Variants in CLDN10 observed in about 807,000 individuals in gnomAD.
CLDN10 encodes the protein claudin 10.
A neutral mutation model predicts 22.9 loss-of-function variants in CLDN10; 15 were observed. The observed-to-expected ratio is 0.65, with a 90% CI of 0.44 to 1.01. The LOEUF is 1.01. Among genes scored for constraint, CLDN10 ranks in the 50% least tolerant of loss-of-function variants. CLDN10 has a pLI of 0.00. For synonymous variants in CLDN10, 114 were observed against 111.4 expected, an observed-to-expected ratio of 1.02 and a Z score of -0.15; for missense variants, 247 against 287.8, an observed-to-expected ratio of 0.86 and a Z score of 1.03.
chr13:95,495,789 C>G (rs921397029), intron 1 of CLDN10, among the ~76,000 whole-genome samples: 13 of 149,584 alleles, frequency 8.7e-5, no homozygotes, highest in Non-Finnish European at 1.5e-4. Flanking sequence ...AGAAATGAAG[C>G]TAACTTTAGG....
chr13:95,441,672 C>G (rs1395417369), intron 1 of CLDN10, among the ~76,000 whole-genome samples: 2 of 152,204 alleles, frequency 1.3e-5, no homozygotes, highest in African/African-American at 4.8e-5. Context: ...ATCTCAGGCC[C>G]CACTACAGAC....
intron 1 of CLDN10, among the ~76,000 whole-genome samples, chr13:95,503,277 A>G (rs758420467): frequency 3.9e-5 from 6 of 152,236 alleles, no homozygotes; most frequent in Non-Finnish European, 7.3e-5. Context: ...GAGAAAATGT[A>G]AAGAAAAAAA....
intron 1 of CLDN10, among the ~76,000 whole-genome samples, chr13:95,470,529 T>G (rs2042619302): frequency 6.6e-6 from 1 of 152,156 alleles, no homozygotes; most frequent in East Asian, 1.9e-4. Context: ...CTCCCCTTTT[T>G]CTTCTAAGTC....
chr13:95,481,190 T>C (rs2042743472), intron 1 of CLDN10, among the ~76,000 whole-genome samples: 1 of 151,378 alleles, frequency 6.6e-6, no homozygotes, highest in Non-Finnish European at 1.5e-5. Context: ...TGGGGAAGAG[T>C]TTCCAGGAGG....
At chr13:95,558,170 G>A (rs781065028) in intron 1 of CLDN10, among the ~76,000 whole-genome samples, 26 of 152,128 alleles carry the variant, frequency 1.7e-4, no homozygotes, top group Non-Finnish European at 2.8e-4. Flanking sequence ...CACACTGTCC[G>A]AGTAGCCCTG....
At chr13:95,495,471 G>A (rs993815960) in intron 1 of CLDN10, among the ~76,000 whole-genome samples, 2 of 151,748 alleles carry the variant, frequency 1.3e-5, no homozygotes, top group African/African-American at 2.4e-5. Context: ...TCGGCCAGGC[G>A]CGGTGGCTCA....
intron 1 of CLDN10, among the ~76,000 whole-genome samples, chr13:95,480,819 C>G (rs538001032): frequency 6.6e-6 from 1 of 152,286 alleles, no homozygotes; most frequent in Non-Finnish European, 1.5e-5. Flanking sequence ...AATGAAGGCC[C>G]ATAAGCTATG....
rs537562482 is a variant in CLDN10 at position 95,544,297 on chromosome 13, A to G, written c.215-15835A>G. Among the ~76,000 whole-genome samples the G allele has an allele frequency of 7.3e-4, 111 of 152,336 alleles. 1 individual carries two copies. The highest frequency in any genetic ancestry group is 8.5e-4 in the Non-Finnish European group (58 of 68,040). On this transcript the variant is annotated intron_variant, in intron 1 of 4. Coordinates refer to the CLDN10 transcript ENST00000376873. ...ATTGGCTGCTTTATTTAGCATGTCA[A>G]AAAATTACAATATAATCTTTCACAT...
At chr13:95,569,211 A>G (rs944552000) in intron 3 of CLDN10, among the ~76,000 whole-genome samples, 5 of 138,046 alleles carry the variant, frequency 3.6e-5, no homozygotes, top group African/African-American at 1.2e-4. Context: ...GAAATGTTGG[A>G]GACCTAGTAG....
chr13:95,557,441 A>G (rs1232906216), intron 1 of CLDN10, among the ~76,000 whole-genome samples: 3 of 152,136 alleles, frequency 2.0e-5, no homozygotes. Context: ...GCCTTAGAAC[A>G]CTGAGAATTT....
At chr13:95,444,539 C>T (rs961328640) in intron 1 of CLDN10, among the ~76,000 whole-genome samples, 2 of 152,152 alleles carry the variant, frequency 1.3e-5, no homozygotes, top group South Asian at 4.1e-4. Context: ...GCCCAGAATG[C>T]TAAATGTTAT....
In CLDN10 at chr13:95,482,593, C is replaced by T. The variant is rs114495569; in HGVS notation, c.214+48546C>T. On this transcript the variant is annotated intron_variant, in intron 1 of 4. Coordinates refer to the CLDN10 transcript ENST00000376873. The stretch of plus-strand genomic sequence containing the variant: ...GGCAGGAAGTCTAGTCCAGATCCAC[C>T]CTGCTGTGTTACCCAGGAGCTCAGA... 2.0e-3 allele frequency among the ~76,000 whole-genome samples: 309 copies of T among 152,300 alleles called. 1 individual carries two copies. The highest frequency in any genetic ancestry group is 6.9e-3 in the African/African-American group (286 of 41,556).
intron 1 of CLDN10, among the ~76,000 whole-genome samples, chr13:95,492,668 T>C (rs4394950): frequency 0.39 from 60,010 of 151,998 alleles, 12,266 homozygotes; most frequent in South Asian, 0.46. Flanking sequence ...TGCTCTCCCC[T>C]AGGTTCTGGT....
intron 1 of CLDN10, among the ~76,000 whole-genome samples, chr13:95,511,889 T>C (rs1365898683): frequency 1.5e-5 from 2 of 134,862 alleles, no homozygotes; most frequent in Non-Finnish European, 3.2e-5. Context: ...AGGGTACATG[T>C]GCACAATGTG....
intron 1 of CLDN10, among the ~76,000 whole-genome samples, chr13:95,509,316 G>A (rs1052895668): frequency 1.3e-5 from 2 of 152,182 alleles, no homozygotes; most frequent in African/African-American, 4.8e-5. Flanking sequence ...GGACTGCTAG[G>A]TCTGTTTACA....
chr13:95,488,714 C>T (rs998351829), intron 1 of CLDN10, among the ~76,000 whole-genome samples: 43 of 152,124 alleles, frequency 2.8e-4, no homozygotes, highest in African/African-American at 9.6e-4. Flanking sequence ...TTTAGGTCTG[C>T]GTAGTATTCC....
chr13:95,468,798 A>G (rs1252663184), intron 1 of CLDN10, among the ~76,000 whole-genome samples: 1 of 152,152 alleles, frequency 6.6e-6, no homozygotes, highest in African/African-American at 2.4e-5. Context: ...CAAGGTATCT[A>G]GGCCTTTTCA....
chr13:95,474,627 G>T lies in CLDN10; in HGVS notation c.214+40580G>T, dbSNP rs112268349. On this transcript the variant is annotated intron_variant, in intron 1 of 4. Coordinates refer to the CLDN10 transcript ENST00000376873. ...GAGAGTAAGAGAACAAATCCAAGAAGAAGCTGTGTATTCAGAAACAGCAGG... is the reference window on the plus strand; with the variant it reads ...GAGAGTAAGAGAACAAATCCAAGAATAAGCTGTGTATTCAGAAACAGCAGG... 2.2e-4 allele frequency among the ~76,000 whole-genome samples: 33 copies of T among 152,360 alleles called. 1 individual carries two copies. The highest frequency in any genetic ancestry group is 5.8e-4 in the African/African-American group (24 of 41,594).
chr13:95,456,419 C>G (rs1451598285), intron 1 of CLDN10, among the ~76,000 whole-genome samples: 20 of 152,050 alleles, frequency 1.3e-4, no homozygotes, highest in Admixed American at 1.3e-3. Flanking sequence ...GAGGTGAAAC[C>G]CCTGTCCAAG....
Sources: gnomAD v4.1 joint callset for allele counts (sites outside exome capture counted in the v4.1 genomes callset) on GRCh38, gnomAD v4.1.1 for gene constraint, MANE v1.5 for transcripts, NCBI Gene and HGNC (gene_info 2026-07-23, HGNC 2026-07-21) for gene names.